Variants in COL5A1 observed in about 807,000 individuals in gnomAD.
COL5A1 encodes collagen type V alpha 1 chain, also known as collagen alpha-1(V) chain.
Under a neutral mutation model 263.7 loss-of-function variants are expected in COL5A1, and 16 were observed. The observed-to-expected ratio is 0.06, with a 90% confidence interval of 0.04 to 0.09. COL5A1 has a LOEUF of 0.09. Ranked by LOEUF, COL5A1 falls within the 10% of genes least tolerant of loss-of-function variation. The pLI, the probability that COL5A1 is intolerant of heterozygous loss-of-function variation, is 1.00. For synonymous variants in COL5A1, 1,012 were observed against 1,004.5 expected (o/e 1.01, Z -0.14); for missense variants, 2,036 against 2,540.5 (o/e 0.80, Z 4.27).
At chr9:134,764,582 C>T (rs1836590396) in intron 20 of COL5A1, among the ~76,000 whole-genome samples, 1 of 152,132 alleles carries the variant, frequency 6.6e-6, no homozygotes, top group South Asian at 2.1e-4. Flanking sequence ...ATGGATAGGA[C>T]ATTAATTACT....
At chr9:134,697,505 G>A (rs1026498207) in intron 2 of COL5A1, among the ~76,000 whole-genome samples, 4 of 152,110 alleles carry the variant, frequency 2.6e-5, no homozygotes, top group African/African-American at 9.7e-5. Flanking sequence ...TCAGGGTGGC[G>A]GTGGGGTGGG....
At chr9:134,828,657 C>CAGAGAT (rs1310904580) in intron 63 of COL5A1, among the ~76,000 whole-genome samples, 1 of 126,114 alleles carries the variant, frequency 7.9e-6, no homozygotes. Context: ...ACACATACCA[C>CAGAGAT]ACACACACCC....
chr9:134,749,097 G>A (rs545899827), intron 11 of COL5A1, among the ~76,000 whole-genome samples: 7 of 152,292 alleles, frequency 4.6e-5, no homozygotes, highest in South Asian at 4.1e-4. Flanking sequence ...GTTAGCCCAC[G>A]CTGGTGTGGA....
Position 134,758,091 on chromosome 9 carries a change from A to G in COL5A1, c.1882-152A>G, listed in dbSNP as rs900133020. The G allele has an allele frequency of 1.5e-5, 11 of 740,534 alleles. No homozygotes were observed. In the Admixed American group the frequency reaches 2.0e-4, roughly 13 times the overall value. The allele number at this position is 740,534 out of a possible 1,614,324, so 45.9% of individuals were successfully genotyped here. On this transcript the variant is annotated intron_variant, in intron 17 of 65. Coordinates refer to ENST00000371817, the MANE Select transcript of COL5A1 (RefSeq NM_000093.5). This position sits in a 1 kb window ranked among gnomAD's most constrained non-coding sequence, Gnocchi z 4.1. ...GATTGTAGATGCAAAGTGGGGGCCTATGGGGAGAGGGCTGGCCGATGGGGT... is the reference window on the plus strand; with the variant it reads ...GATTGTAGATGCAAAGTGGGGGCCTGTGGGGAGAGGGCTGGCCGATGGGGT...
chr9:134,761,061 CCACATGCACA>C (rs1485494212), intron 18 of COL5A1, among the ~76,000 whole-genome samples: 6 of 147,850 alleles, frequency 4.1e-5, no homozygotes, highest in Admixed American at 2.7e-4. Context: ...ACACTCACAC[CCACATGCACA>C]CACATGCACA....
chr9:134,751,834 T>C (rs1835791334), intron 13 of COL5A1, among the ~76,000 whole-genome samples: 2 of 152,124 alleles, frequency 1.3e-5, no homozygotes, highest in African/African-American at 4.8e-5. Flanking sequence ...ATGGAGCAAA[T>C]TGCCTGAATG....
chr9:134,712,055 TCC>T (rs1834067506), intron 4 of COL5A1, among the ~76,000 whole-genome samples: 1 of 13,880 alleles, frequency 7.2e-5, no homozygotes, highest in Admixed American at 1.2e-3. Flanking sequence ...CCTTCTTCCT[TCC>T]TCCCTCCTTC....
intron 26 of COL5A1, among the ~76,000 whole-genome samples, chr9:134,774,503 T>A (rs1044849790): frequency 6.6e-6 from 1 of 152,196 alleles, no homozygotes. Context: ...CCAAGGACCT[T>A]AGGCTGGGAA....
chr9:134,834,696 C>T (rs1839779998), intron 64 of COL5A1, among the ~76,000 whole-genome samples: 1 of 152,174 alleles, frequency 6.6e-6, no homozygotes, highest in African/African-American at 2.4e-5. Context: ...GGAGGCAGCA[C>T]AGGTGCCGAG....
intron 9 of COL5A1, among the ~76,000 whole-genome samples, chr9:134,735,220 A>G (rs1366043908): frequency 6.6e-6 from 1 of 151,990 alleles, no homozygotes; most frequent in Non-Finnish European, 1.5e-5. Flanking sequence ...AAAAAAAAAA[A>G]AAAAATTGTG....
At chr9:134,824,063 G>A (rs561260050) in intron 61 of COL5A1, among the ~76,000 whole-genome samples, 1 of 152,322 alleles carries the variant, frequency 6.6e-6, no homozygotes, top group Admixed American at 6.5e-5. Context: ...AGGCCCTGGA[G>A]GTGAAAGGTG....
intron 9 of COL5A1, among the ~76,000 whole-genome samples, chr9:134,737,876 T>C (rs1835159888): frequency 2.0e-5 from 3 of 152,198 alleles, no homozygotes; most frequent in South Asian, 2.1e-4. Context: ...GGAGGAGGGC[T>C]GAGTGGGCAG....
In COL5A1 at chr9:134,754,185, AG is replaced by A. The variant is rs1286203862; in HGVS notation, c.1774-85del. The A allele has an allele frequency of 7.3e-5, 102 of 1,399,246 alleles. No homozygotes were observed. The highest frequency in any genetic ancestry group is 9.1e-5 in the Non-Finnish European group (91 of 997,446). The allele number at this position is 1,399,246 out of a possible 1,614,324, so 86.7% of individuals were successfully genotyped here. A position where few individuals can be genotyped will look rare whatever the true frequency, so the allele number is the denominator to read the frequency against. ...GTGGCTTGGACAGCCAGGCATGGGC[AG>A]GGTCGATGAGCACAGGGACAAGGCT... is the stretch of plus-strand genomic sequence containing the variant. On this transcript the variant is annotated intron_variant, in intron 15 of 65. Transcript: ENST00000371817. This position sits in a 1 kb window ranked among gnomAD's most constrained non-coding sequence, Gnocchi z 4.3.
rs550750792 is a variant in COL5A1 at position 134,680,436 on chromosome 9, C to G, written c.110-10476C>G. Among the ~76,000 whole-genome samples the G allele has an allele frequency of 6.6e-6, 1 of 152,168 alleles. No individual in the cohort carries two copies. Among genetic ancestry groups the G allele is most frequent in the South Asian group, 2.1e-4 (1 of 4,832 alleles). On this transcript the variant is annotated intron_variant, in intron 1 of 65. Coordinates refer to ENST00000371817, the MANE Select transcript of COL5A1 (RefSeq NM_000093.5). The surrounding 1 kb of genome is among the most constrained non-coding windows in gnomAD (Gnocchi z 5.9). Reference sequence around the variant, plus strand: ...GGGGACAGCAGGCCCCTTCCAGGTGCGAGCTCCCTGCCCGGCACACCTGTA... The same window carrying G: ...GGGGACAGCAGGCCCCTTCCAGGTGGGAGCTCCCTGCCCGGCACACCTGTA...
At chr9:134,781,206 G>A (rs1163707134) in intron 28 of COL5A1, among the ~76,000 whole-genome samples, 2 of 152,264 alleles carry the variant, frequency 1.3e-5, no homozygotes, top group Non-Finnish European at 1.5e-5. Context: ...CTTGTTCCAC[G>A]GAGTTTGTTG....
At chr9:134,785,389 A>T (rs12004736) in intron 30 of COL5A1, among the ~76,000 whole-genome samples, 3 of 151,704 alleles carry the variant, frequency 2.0e-5, no homozygotes, top group Admixed American at 6.6e-5. Flanking sequence ...ACATTCCAGG[A>T]CCCCGTCCTT....
In COL5A1 at chr9:134,842,504, G is replaced by C. The variant is rs1830137654; in HGVS notation, c.*201G>C. On this transcript the variant is annotated 3_prime_UTR_variant, in exon 66 of 66. Transcript: ENST00000371817. The surrounding 1 kb of genome is among the most constrained non-coding windows in gnomAD (Gnocchi z 5.8). ...AGGGAAGGAGCCGCGCCCCCACCTGGAGCTGAATCACATGACCTAGCTGCA... is the reference window on the plus strand; with the variant it reads ...AGGGAAGGAGCCGCGCCCCCACCTGCAGCTGAATCACATGACCTAGCTGCA... 1.5e-6 allele frequency: 1 copy of C among 655,160 alleles called. No individual in the cohort carries two copies. The highest frequency in any genetic ancestry group is 2.6e-6 in the Non-Finnish European group (1 of 377,544). 40.6% of individuals were successfully genotyped at this position (655,160 alleles called of 1,614,324 possible). A position where few individuals can be genotyped will look rare whatever the true frequency, so the allele number is the denominator to read the frequency against.
intron 1 of COL5A1, among the ~76,000 whole-genome samples, chr9:134,679,501 T>G (rs1488839754): frequency 9.4e-5 from 1 of 10,608 alleles, no homozygotes; most frequent in Non-Finnish European, 1.6e-4. Flanking sequence ...AGGGGCACTG[T>G]GGGGCTGGTT....
chr9:134,667,116 C>G (rs1404548711), intron 1 of COL5A1, among the ~76,000 whole-genome samples: 1 of 152,220 alleles, frequency 6.6e-6, no homozygotes, highest in African/African-American at 2.4e-5. Flanking sequence ...AACCATACGA[C>G]TGAGAGCTGG....
Sources: allele counts gnomAD v4.1 joint callset (sites outside exome capture counted in the v4.1 genomes callset), GRCh38; gene constraint gnomAD v4.1.1; non-coding constraint Gnocchi (gnomAD v3.1); transcripts MANE v1.5; gene names NCBI Gene and HGNC (gene_info 2026-07-23, HGNC 2026-07-21).